DMD: variants seen among roughly 807,000 people sequenced by gnomAD.
DMD encodes the protein mutant dystrophin.
DMD carries 63 observed loss-of-function variants against 330.1 expected under a neutral mutation model. That is an observed-to-expected ratio of 0.19 (90% CI 0.16 to 0.24). The LOEUF (loss-of-function observed/expected upper bound fraction) is 0.24, where lower values mean the gene tolerates loss of function less well. Ranked by LOEUF, DMD falls within the 10% of genes least tolerant of loss-of-function variation. DMD has a pLI of 1.00. For missense variants in DMD, 3,344 were observed against 2,684.1 expected, an observed-to-expected ratio of 1.25 and a Z score of -5.43; for synonymous variants, 1,223 against 959.8, an observed-to-expected ratio of 1.27 and a Z score of -5.07.
chrX:32,654,012 CT>C (rs760889137), intron 9 of DMD, among the ~76,000 whole-genome samples: 34 of 112,203 alleles, frequency 3.0e-4, no homozygotes, highest in Non-Finnish European at 5.8e-4. Context: ...TATCCTGAGA[CT>C]TTGCTGAAGT....
chrX:32,403,963 T>C (rs1237130690), intron 30 of DMD, among the ~76,000 whole-genome samples: 2 of 111,987 alleles, frequency 1.8e-5, no homozygotes, highest in African/African-American at 3.2e-5. Flanking sequence ...CGTTTGGCAA[T>C]CAAATATGCC....
chrX:31,515,788 A>G (rs2072130633), intron 55 of DMD, among the ~76,000 whole-genome samples: 1 of 112,026 alleles, frequency 8.9e-6, no homozygotes, highest in South Asian at 3.7e-4. Flanking sequence ...GCGAAGCAAA[A>G]TAGTTAATGC....
chrX:33,016,309 C>T (rs12837558), intron 2 of DMD, among the ~76,000 whole-genome samples: 10,900 of 111,028 alleles, frequency 0.098, 743 homozygotes, highest in African/African-American at 0.23. Context: ...AGTTACAGAT[C>T]AGAAGAAGTT....
At chrX:32,465,420 G>A (rs1440014361) in intron 23 of DMD, among the ~76,000 whole-genome samples, 1 of 110,733 alleles carries the variant, frequency 9.0e-6, no homozygotes, top group African/African-American at 3.3e-5. Context: ...GTGCTCCACA[G>A]AAAGTTTCCC....
intron 11 of DMD, among the ~76,000 whole-genome samples, chrX:32,619,353 A>G (rs1478956844): frequency 9.0e-6 from 1 of 111,359 alleles, no homozygotes; most frequent in African/African-American, 3.3e-5. Flanking sequence ...CAAGGGATAT[A>G]TAGTCACAGT....
chrX:32,804,030 A>T (rs139722886), intron 7 of DMD, among the ~76,000 whole-genome samples: 2 of 111,398 alleles, frequency 1.8e-5, no homozygotes, highest in Non-Finnish European at 3.8e-5. Context: ...TGTCTCGTTG[A>T]TCTGTCTAAT....
At chrX:32,802,097 G>A (rs914398374) in intron 7 of DMD, among the ~76,000 whole-genome samples, 2 of 111,587 alleles carry the variant, frequency 1.8e-5, no homozygotes, top group African/African-American at 6.5e-5. Flanking sequence ...AATTACTTCG[G>A]GCAGTATGGC....
intron 43 of DMD, among the ~76,000 whole-genome samples, chrX:32,217,870 A>G (rs2097118989): frequency 8.9e-6 from 1 of 112,307 alleles, no homozygotes; most frequent in Non-Finnish European, 1.9e-5. Context: ...ATTTAAAATA[A>G]GATGACAGAT....
At chrX:32,704,991 C>G (rs1441947107) in intron 7 of DMD, among the ~76,000 whole-genome samples, 1 of 112,076 alleles carries the variant, frequency 8.9e-6, no homozygotes, top group Non-Finnish European at 1.9e-5. Flanking sequence ...GCTGGAGTTT[C>G]TAAGTTGTAG....
intron 1 of DMD, among the ~76,000 whole-genome samples, chrX:33,158,002 C>G (rs185566289): frequency 2.4e-3 from 265 of 111,564 alleles, no homozygotes; most frequent in African/African-American, 8.2e-3. Context: ...GTAAATCAGG[C>G]AGGATTTTCT....
chrX:31,375,943 A>T (rs979051558), intron 60 of DMD, among the ~76,000 whole-genome samples: 1 of 112,060 alleles, frequency 8.9e-6, no homozygotes, highest in East Asian at 2.8e-4. Context: ...ACAAGCAGGT[A>T]CCTTTTCTGG....
chrX:33,252,360 C>A (rs754460172), intron 1 of DMD, among the ~76,000 whole-genome samples: 1 of 111,395 alleles, frequency 9.0e-6, no homozygotes, highest in South Asian at 3.8e-4. Flanking sequence ...TCACTCACTT[C>A]CTTTAGCTTA....
intron 2 of DMD, among the ~76,000 whole-genome samples, chrX:33,015,354 C>T (rs963506764): frequency 3.6e-5 from 4 of 111,212 alleles, no homozygotes; most frequent in African/African-American, 1.3e-4. Context: ...GAGATCATGT[C>T]CTTTGCAGGG....
At chrX:33,011,652 A>G (rs1056532944) in intron 2 of DMD, among the ~76,000 whole-genome samples, 1 of 112,168 alleles carries the variant, frequency 8.9e-6, no homozygotes, top group Admixed American at 9.5e-5. Context: ...TCATCACTGT[A>G]TGACAGTATG....
At chrX:32,709,382 G>A (rs112073088) in intron 7 of DMD, among the ~76,000 whole-genome samples, 6,426 of 111,686 alleles carry the variant, frequency 0.058, 413 homozygotes, top group African/African-American at 0.2. Flanking sequence ...TTAAGAATGC[G>A]TAAAACATAG....
intron 43 of DMD, among the ~76,000 whole-genome samples, chrX:32,284,049 G>T (rs1241255150): frequency 9.0e-6 from 1 of 111,461 alleles, no homozygotes; most frequent in African/African-American, 3.3e-5. Context: ...AAATAATTCA[G>T]ATTTACCTCA....
chrX:32,847,785 A>AT (rs761160997), intron 3 of DMD, among the ~76,000 whole-genome samples: 1 of 111,680 alleles, frequency 9.0e-6, no homozygotes, highest in South Asian at 3.8e-4. Flanking sequence ...TTTGTTTGAT[A>AT]TTTTTTTCTT....
rs193080723 is a variant in DMD, at chrX:33,037,645, G to A, written c.32-17445C>T. ...ACTTAATGAGAAAAAAAAATCATTA[G>A]CACTGAAAAACTTGTAAGTCTTGTT... On this transcript the variant is annotated intron_variant, in intron 1 of 78. Coordinates refer to ENST00000357033, the MANE Select transcript of DMD (RefSeq NM_004006.3). Among the ~76,000 whole-genome samples, 412 of 111,670 alleles carry A rather than the reference G, an allele frequency of 3.7e-3. 1 individual carries two copies. Among genetic ancestry groups the A allele is most frequent in the African/African-American group, 0.013 (395 of 30,817 alleles).
chrX:31,122,162 A>C (rs1031446981), intron 78 of DMD, among the ~76,000 whole-genome samples: 6 of 111,861 alleles, frequency 5.4e-5, no homozygotes, highest in Non-Finnish European at 9.4e-5. Flanking sequence ...TTAATGTTGG[A>C]TCAGGCTACT....
Sources: allele counts gnomAD v4.1 joint callset (sites outside exome capture counted in the v4.1 genomes callset), GRCh38; gene constraint gnomAD v4.1.1; transcripts MANE v1.5; gene names NCBI Gene and HGNC (gene_info 2026-07-23, HGNC 2026-07-21).